The following PRELID2 variants were observed in gnomAD, a reference collection of about 807,000 sequenced individuals.
PRELID2 encodes PRELI domain-containing protein 2.
Under a neutral mutation model 28.4 loss-of-function variants are expected in PRELID2, and 25 were observed. The observed-to-expected ratio is 0.88, with a 90% CI of 0.64 to 1.23. The LOEUF (loss-of-function observed/expected upper bound fraction) is 1.23. Among genes scored for constraint, PRELID2 ranks in the 50% most tolerant of loss-of-function variants. The probability of loss-of-function intolerance (pLI) is 0.00; values close to 1 mark genes in which losing one functional copy is unlikely to be tolerated. For missense variants in PRELID2, 201 were observed against 214.4 expected, an observed-to-expected ratio of 0.94 and a Z score of 0.39; for synonymous variants, 76 against 71.6, an observed-to-expected ratio of 1.06 and a Z score of -0.31.
chr5:145,544,464 C>A (rs1752769669), intron 1 of PRELID2, among the ~76,000 whole-genome samples: 1 of 152,078 alleles, frequency 6.6e-6, no homozygotes, highest in Middle Eastern at 3.2e-3. Context: ...TATTTCTTAA[C>A]ATAAATTAAT....
chr5:145,577,208 G>A (rs1753068406), intron 1 of PRELID2, among the ~76,000 whole-genome samples: 1 of 152,072 alleles, frequency 6.6e-6, no homozygotes, highest in Admixed American at 6.6e-5. Flanking sequence ...AGCAATCAAA[G>A]AAACATGACA....
intron 1 of PRELID2, among the ~76,000 whole-genome samples, chr5:145,576,426 T>C (rs1312884238): frequency 6.6e-6 from 1 of 152,172 alleles, no homozygotes. Context: ...GGCTCATCCA[T>C]GTTGCAGCAT....
the PRELID2 span, among the ~76,000 whole-genome samples, chr5:145,309,719 C>A: frequency 2.0e-5 from 3 of 152,108 alleles, no homozygotes; most frequent in African/African-American, 7.2e-5. Flanking sequence ...CCATGTTTTA[C>A]AGTTTAGGGA....
chr5:145,817,221 ATATAT>A (rs1561643960), intron 4 of PRELID2, among the ~76,000 whole-genome samples: 6 of 98,434 alleles, frequency 6.1e-5, no homozygotes, highest in East Asian at 2.6e-4. Context: ...ATAAAAAAAA[ATATAT>A]ATATATATAT....
rs1454380315 is a variant in PRELID2 at position 145,823,077 on chromosome 5, CTCT to C, written c.130_132del (p.Arg44del). 1.3e-6 allele frequency: 2 copies of C among 1,495,650 alleles called. No individual in the cohort carries two copies. Among genetic ancestry groups the C allele is most frequent in the East Asian group, 2.3e-5 (1 of 44,260 alleles). 92.6% of individuals were successfully genotyped at this position (1,495,650 alleles called of 1,614,324 possible). ...TGAAAAAACTGTACAGAGAACTTAC[CTCT>C]TTTTTCCTCCATGATTTTTACTGAG... On this transcript the variant is annotated inframe_deletion and splice_region_variant, in exon 2 of 7. Transcript: ENST00000683046.
chr5:145,603,576 CAGA>C (rs1227621477), intron 1 of PRELID2, among the ~76,000 whole-genome samples: 9 of 151,376 alleles, frequency 5.9e-5, no homozygotes. Flanking sequence ...TGATCTCGGG[CAGA>C]AGAATACTCA....
chr5:145,808,564 T>C (rs1753706624), intron 4 of PRELID2, among the ~76,000 whole-genome samples: 1 of 152,148 alleles, frequency 6.6e-6, no homozygotes, highest in Non-Finnish European at 1.5e-5. Context: ...ATGAGTAATT[T>C]CAGTAGTAAT....
chr5:145,552,769 C>A (rs1318466398), intron 1 of PRELID2, among the ~76,000 whole-genome samples: 1 of 152,146 alleles, frequency 6.6e-6, no homozygotes, highest in African/African-American at 2.4e-5. Context: ...ACACAATTGA[C>A]TGTATCATAC....
At chr5:145,777,931 G>T (rs528809700) in intron 5 of PRELID2, among the ~76,000 whole-genome samples, 5 of 152,174 alleles carry the variant, frequency 3.3e-5, no homozygotes, top group African/African-American at 1.2e-4. Flanking sequence ...CATCAGGGCC[G>T]AATCTGGACA....
intron 1 of PRELID2, among the ~76,000 whole-genome samples, chr5:145,696,959 A>T (rs563000023): frequency 9.4e-5 from 14 of 149,318 alleles, no homozygotes; most frequent in Non-Finnish European, 1.9e-4. Flanking sequence ...AGGAAGAATA[A>T]ATCAGAGTAA....
At chr5:145,801,542 A>T (rs1214965927) in intron 4 of PRELID2, among the ~76,000 whole-genome samples, 2 of 152,216 alleles carry the variant, frequency 1.3e-5, no homozygotes, top group Non-Finnish European at 2.9e-5. Flanking sequence ...GAAACCCAGT[A>T]TCGTAACAAT....
At chr5:145,615,282 T>C (rs887456505) in intron 1 of PRELID2, among the ~76,000 whole-genome samples, 10 of 152,034 alleles carry the variant, frequency 6.6e-5, no homozygotes, top group African/African-American at 1.7e-4. Context: ...CCCTTTACTT[T>C]AAGTTTATGT....
At chr5:145,601,268 G>C (rs564483549) in intron 1 of PRELID2, among the ~76,000 whole-genome samples, 61 of 152,044 alleles carry the variant, frequency 4.0e-4, no homozygotes, top group Middle Eastern at 6.8e-3. Context: ...ATTAGAAACA[G>C]TTGATGAAAA....
At chr5:145,425,850 G>GA in the PRELID2 span, among the ~76,000 whole-genome samples, 40 of 148,634 alleles carry the variant, frequency 2.7e-4, 1 homozygote, top group Admixed American at 1.4e-3. Context: ...AAAAGTTGAA[G>GA]AAAAAAAAAA....
At chr5:145,665,130 C>G (rs1161836267) in intron 1 of PRELID2, among the ~76,000 whole-genome samples, 1 of 152,062 alleles carries the variant, frequency 6.6e-6, no homozygotes, top group African/African-American at 2.4e-5. Flanking sequence ...CAAACACTCA[C>G]CTATTTACTT....
intron 1 of PRELID2, among the ~76,000 whole-genome samples, chr5:145,744,936 A>G (rs2149745157): frequency 6.6e-6 from 1 of 152,204 alleles, no homozygotes; most frequent in Middle Eastern, 3.4e-3. Context: ...GCATGTTCTA[A>G]CCCAATGCAA....
chr5:145,318,808 C>G, the PRELID2 span, among the ~76,000 whole-genome samples: 1 of 152,206 alleles, frequency 6.6e-6, no homozygotes, highest in Non-Finnish European at 1.5e-5. Context: ...TCAGTGCCCT[C>G]TTGGTACCCA....
intron 1 of PRELID2, among the ~76,000 whole-genome samples, chr5:145,824,425 C>CGTGTATGTGTGTGT (rs1554100809): frequency 3.1e-4 from 30 of 96,256 alleles, no homozygotes; most frequent in African/African-American, 8.5e-4. Context: ...CCACAGCAGG[C>CGTGTATGTGTGTGT]GTGTGTGTGT....
At chr5:145,418,433 G>A in the PRELID2 span, among the ~76,000 whole-genome samples, 3 of 152,046 alleles carry the variant, frequency 2.0e-5, no homozygotes, top group Non-Finnish European at 2.9e-5. Flanking sequence ...AGATAGCCAA[G>A]ACAATCCTAA....
Sources: allele counts gnomAD v4.1 joint callset (sites outside exome capture counted in the v4.1 genomes callset), GRCh38; gene constraint gnomAD v4.1.1; transcripts MANE v1.5; gene names NCBI Gene and HGNC (gene_info 2026-07-23, HGNC 2026-07-21).